MAP3K20: variants seen among roughly 807,000 people sequenced by gnomAD.
The protein encoded by MAP3K20 is HCCS-4.
Under a neutral mutation model 85.7 loss-of-function variants are expected in MAP3K20, and 40 were observed. The ratio of observed to expected loss-of-function variants is 0.47; its 90% CI spans 0.36 to 0.61. MAP3K20 has a LOEUF of 0.61. Ranked by LOEUF, MAP3K20 falls within the 20% of genes least tolerant of loss-of-function variation. The probability of loss-of-function intolerance (pLI) is 0.00; values close to 1 mark genes in which losing one functional copy is unlikely to be tolerated. For missense variants in MAP3K20, 817 were observed against 961.7 expected (o/e 0.85, Z 1.99); for synonymous variants, 325 against 327.7 (o/e 0.99, Z 0.09).
intron 8 of MAP3K20, 85 bp from the exon 9 acceptor site, chr2:173,203,710 AT>A: frequency 1.9e-6 from 2 of 1,040,164 alleles, no homozygotes; most frequent in Non-Finnish European, 1.5e-6. Flanking sequence ...AAATAACTCT[AT>A]TATGACCCTT....
chr2:173,167,272 A>C (rs141051224), intron 2 of MAP3K20, among the ~76,000 whole-genome samples: 2 of 152,130 alleles, frequency 1.3e-5, no homozygotes, highest in African/African-American at 4.8e-5. Flanking sequence ...CAAAATCCAG[A>C]GAGTATATCT....
At chr2:173,254,737 A>G (rs1685121267) in intron 16 of MAP3K20, among the ~76,000 whole-genome samples, 1 of 152,238 alleles carries the variant, frequency 6.6e-6, no homozygotes, top group African/African-American at 2.4e-5. Flanking sequence ...CTGACAATTT[A>G]TGACTCACAA....
chr2:173,230,922 G>C (rs905573223), intron 12 of MAP3K20, among the ~76,000 whole-genome samples: 1 of 152,186 alleles, frequency 6.6e-6, no homozygotes, highest in East Asian at 1.9e-4. Flanking sequence ...CTTGAATATG[G>C]AAGGTGGAGG....
chr2:173,116,874 T>C (rs1359904502), intron 2 of MAP3K20, among the ~76,000 whole-genome samples: 1 of 152,238 alleles, frequency 6.6e-6, no homozygotes, highest in Non-Finnish European at 1.5e-5. Flanking sequence ...ACAGTAAATA[T>C]TGTGAATTCA....
Position 173,198,224 on chromosome 2 carries a change from AT to A in MAP3K20, c.669+114del. On this transcript the variant is annotated intron_variant, in intron 8 of 19. Coordinates refer to ENST00000375213, the MANE Select transcript of MAP3K20 (RefSeq NM_016653.3). The surrounding 1 kb of genome is among the most constrained non-coding windows in gnomAD (Gnocchi z 5.8). The stretch of plus-strand genomic sequence containing the variant: ...AAAGTAAGTTCACGCTTATGGAAAG[AT>A]TAGCAGTAGGAGCTAACACAAAGGG... 1.0e-6 allele frequency: 1 copy of A among 972,098 alleles called. No individual in the cohort carries two copies. The highest frequency in any genetic ancestry group is 1.5e-6 in the Non-Finnish European group (1 of 650,884). The allele number at this position is 972,098 out of a possible 1,614,324, so 60.2% of individuals were successfully genotyped here. A position where few individuals can be genotyped will look rare whatever the true frequency, so the allele number is the denominator to read the frequency against.
Position 173,142,487 on chromosome 2 carries a change from G to A in MAP3K20, c.160-27318G>A, listed in dbSNP as rs553722529. Among the ~76,000 whole-genome samples, 15 of 150,248 alleles carry A rather than the reference G, an allele frequency of 1.0e-4. No homozygotes were observed. In the South Asian group the frequency reaches 1.7e-3, roughly 17 times the overall value. On this transcript the variant is annotated intron_variant, in intron 2 of 19. Transcript: ENST00000375213. The stretch of plus-strand genomic sequence containing the variant: ...ACTCCGTCTCAAAAAAAAAAAAAAA[G>A]TAGTATATATATATCACAATGACAC...
intron 2 of MAP3K20, among the ~76,000 whole-genome samples, chr2:173,131,365 C>T (rs1407800741): frequency 2.0e-5 from 3 of 152,124 alleles, no homozygotes; most frequent in Non-Finnish European, 4.4e-5. Flanking sequence ...GGACATGTTG[C>T]CATGGATACC....
intron 16 of MAP3K20, among the ~76,000 whole-genome samples, chr2:173,241,190 G>A (rs944074892): frequency 6.6e-6 from 1 of 152,172 alleles, no homozygotes; most frequent in African/African-American, 2.4e-5. Context: ...GGTGACTACA[G>A]TCAACAATAA....
chr2:173,184,405 A>G (rs141064285), intron 4 of MAP3K20, among the ~76,000 whole-genome samples: 57 of 152,338 alleles, frequency 3.7e-4, no homozygotes, highest in African/African-American at 1.0e-3. Context: ...AGCTAACATC[A>G]GTCACTCTGC....
chr2:173,259,861 T>C (rs1343903174), intron 17 of MAP3K20, among the ~76,000 whole-genome samples: 1 of 152,214 alleles, frequency 6.6e-6, no homozygotes, highest in Non-Finnish European at 1.5e-5. Flanking sequence ...TGGAAAGATA[T>C]TTCCTTTCTT....
intron 16 of MAP3K20, among the ~76,000 whole-genome samples, chr2:173,252,792 C>CT (rs1244710412): frequency 1.3e-5 from 2 of 152,200 alleles, no homozygotes; most frequent in South Asian, 4.1e-4. Flanking sequence ...TCTCTCTGTG[C>CT]TTTGGTTTCC....
At chr2:173,148,413 A>G (rs1389959734) in intron 2 of MAP3K20, among the ~76,000 whole-genome samples, 1 of 152,204 alleles carries the variant, frequency 6.6e-6, no homozygotes, top group East Asian at 1.9e-4. Flanking sequence ...GTGCCAGAAC[A>G]TGTTCTTTAT....
At chr2:173,096,348 T>TC (rs1268431951) in intron 2 of MAP3K20, among the ~76,000 whole-genome samples, 1 of 151,518 alleles carries the variant, frequency 6.6e-6, no homozygotes, top group Non-Finnish European at 1.5e-5. Flanking sequence ...TTTTTCCTTT[T>TC]TTTTTTTTTG....
At chr2:173,202,443 T>C (rs1240636548) in intron 8 of MAP3K20, among the ~76,000 whole-genome samples, 6 of 152,196 alleles carry the variant, frequency 3.9e-5, no homozygotes, top group Admixed American at 2.6e-4. Flanking sequence ...AAAACTTCTT[T>C]GGCAAACAGA....
chr2:173,173,364 T>C (rs1473114694), intron 3 of MAP3K20, among the ~76,000 whole-genome samples: 1 of 152,116 alleles, frequency 6.6e-6, no homozygotes, highest in Admixed American at 6.5e-5. Flanking sequence ...GCAGACTGGG[T>C]TCCAGGGTTC....
chr2:173,224,636 A>C, intron 11 of MAP3K20: 2 of 985,320 alleles, frequency 2.0e-6, no homozygotes, highest in Non-Finnish European at 2.4e-6. Flanking sequence ...AAGAGCTTAA[A>C]ATTGTTCTCC....
chr2:173,219,423 CTTTT>C lies in MAP3K20; in HGVS notation c.987+2175_987+2178del, dbSNP rs1339802597. 2.6e-5 allele frequency among the ~76,000 whole-genome samples: 4 copies of C among 152,094 alleles called. No individual in the cohort carries two copies. In the East Asian group the frequency reaches 7.7e-4, roughly 29 times the overall value. On this transcript the variant is annotated intron_variant, in intron 11 of 19. Coordinates refer to ENST00000375213, the MANE Select transcript of MAP3K20 (RefSeq NM_016653.3). ...AATTATAGTTGAAGCTTGATGTAAA[CTTTT>C]TATTTATTTTAAGAATATAGGCTTA...
intron 7 of MAP3K20, among the ~76,000 whole-genome samples, chr2:173,196,180 C>T (rs1690831247): frequency 6.6e-6 from 1 of 152,188 alleles, no homozygotes; most frequent in African/African-American, 2.4e-5. Flanking sequence ...GGCTAACTCC[C>T]TGTTCCCATT....
rs138624342 is a variant in MAP3K20 at position 173,140,794 on chromosome 2, C to T, written c.160-29011C>T. Among the ~76,000 whole-genome samples, 190 of 151,924 alleles carry T rather than the reference C, an allele frequency of 1.3e-3. 2 individuals are homozygous for T. In the South Asian group the frequency reaches 0.018, roughly 14 times the overall value. On this transcript the variant is annotated intron_variant, in intron 2 of 19. Transcript: ENST00000375213. ...CTGTGGTAGGAATCACTTGAATGTA[C>T]GTGTATGACAAAATTATGCGGAACT...
Sources: gnomAD v4.1 joint callset for allele counts (sites outside exome capture counted in the v4.1 genomes callset) on GRCh38, gnomAD v4.1.1 for gene constraint, Gnocchi (gnomAD v3.1) non-coding constraint, MANE v1.5 for transcripts, NCBI Gene and HGNC (gene_info 2026-07-23, HGNC 2026-07-21) for gene names.